TRAPPC9: variants seen among roughly 807,000 people sequenced by gnomAD.
The protein encoded by TRAPPC9 is trafficking protein particle complex subunit 9.
A neutral mutation model predicts 124.0 loss-of-function variants in TRAPPC9; 83 were observed. The ratio of observed to expected loss-of-function variants is 0.67; its 90% CI spans 0.56 to 0.80. TRAPPC9 has a LOEUF of 0.80. Ranked by LOEUF, TRAPPC9 falls within the 30% of genes least tolerant of loss-of-function variation. TRAPPC9 has a pLI of 0.00. For missense variants in TRAPPC9, 1,302 were observed against 1,508.3 expected (o/e 0.86, Z 2.27); for synonymous variants, 638 against 617.5 (o/e 1.03, Z -0.49).
chr8:140,126,685 C>A (rs2061104127), intron 17 of TRAPPC9, among the ~76,000 whole-genome samples: 1 of 152,130 alleles, frequency 6.6e-6, no homozygotes, highest in African/African-American at 2.4e-5. Context: ...GTGTATTTAG[C>A]CAGAGCATAA....
chr8:139,742,925 G>C lies in TRAPPC9; in HGVS notation c.3056-10723C>G, dbSNP rs1818657190. ...GCCTGACTGCACCCTAGAGAGGCGG[G>C]TTTCCTCTGTCTAGGGTGGTGCTGA... On this transcript the variant is annotated intron_variant, in intron 21 of 22. Coordinates refer to ENST00000438773, the MANE Select transcript of TRAPPC9 (RefSeq NM_001160372.4). The surrounding 1 kb of genome is among the most constrained non-coding windows in gnomAD (Gnocchi z 4.7). 6.6e-6 allele frequency among the ~76,000 whole-genome samples: 1 copy of C among 152,144 alleles called. No individual in the cohort carries two copies. Among genetic ancestry groups the C allele is most frequent in the Non-Finnish European group, 1.5e-5 (1 of 68,040 alleles).
rs1364862136 is a variant in TRAPPC9 at position 140,104,904 on chromosome 8, A to G, written c.2557-80825T>C. Among the ~76,000 whole-genome samples the G allele has an allele frequency of 6.6e-6, 1 of 152,204 alleles. No individual in the cohort carries two copies. The highest frequency in any genetic ancestry group is 1.5e-5 in the Non-Finnish European group (1 of 68,024). ...ACATTTAACGACATGGAGCTCCCTG[A>G]GTTGACTCTGCCTCCGCTTGCCCCC... On this transcript the variant is annotated intron_variant, in intron 17 of 22. Transcript: ENST00000438773. The surrounding 1 kb of genome is among the most constrained non-coding windows in gnomAD (Gnocchi z 4.0).
intron 6 of TRAPPC9, among the ~76,000 whole-genome samples, chr8:140,402,353 A>C (rs908797806): frequency 2.0e-5 from 3 of 151,876 alleles, no homozygotes; most frequent in Non-Finnish European, 2.9e-5. Context: ...AGCTGTGATC[A>C]TGCTACTGCA....
At chr8:140,335,386 TC>T (rs1365062532) in intron 9 of TRAPPC9, among the ~76,000 whole-genome samples, 6 of 152,222 alleles carry the variant, frequency 3.9e-5, no homozygotes, top group Admixed American at 2.0e-4. Flanking sequence ...GAATGGGCAT[TC>T]CAGGCAATTA....
At chr8:139,886,015 C>T in intron 20 of TRAPPC9, 46 bp from the exon 21 acceptor site, 1 of 1,523,514 alleles carries the variant, frequency 6.6e-7, no homozygotes, top group Non-Finnish European at 8.9e-7. Context: ...AGCCCAGGGA[C>T]AGAAGAACGT....
intron 18 of TRAPPC9, among the ~76,000 whole-genome samples, chr8:139,994,303 C>T (rs192855642): frequency 5.2e-4 from 79 of 152,352 alleles, no homozygotes; most frequent in African/African-American, 1.4e-3. Context: ...TTCTGTGGAG[C>T]CGAGAGGATT....
At chr8:139,917,477 G>A (rs1243955337) in intron 19 of TRAPPC9, among the ~76,000 whole-genome samples, 10 of 152,084 alleles carry the variant, frequency 6.6e-5, no homozygotes, top group South Asian at 2.1e-4. Flanking sequence ...ACCGCACCCG[G>A]CCATTATTAT....
At chr8:140,036,620 C>G (rs1840906016) in intron 17 of TRAPPC9, among the ~76,000 whole-genome samples, 1 of 152,130 alleles carries the variant, frequency 6.6e-6, no homozygotes, top group Non-Finnish European at 1.5e-5. Context: ...CGAAGGACAT[C>G]CAAGTGATGA....
intron 17 of TRAPPC9, among the ~76,000 whole-genome samples, chr8:140,073,756 T>G (rs1324663534): frequency 2.6e-5 from 4 of 152,196 alleles, no homozygotes; most frequent in African/African-American, 9.7e-5. Context: ...GTGACCTGGG[T>G]AGGGATGATA....
intron 7 of TRAPPC9, among the ~76,000 whole-genome samples, chr8:140,374,879 T>C (rs185379566): frequency 2.6e-5 from 4 of 152,350 alleles, no homozygotes; most frequent in Admixed American, 2.6e-4. Context: ...TAAATAATAC[T>C]ATGATCAGTA....
chr8:139,910,093 T>C, intron 20 of TRAPPC9, 54 bp downstream of exon 20: 1 of 1,609,358 alleles, frequency 6.2e-7, no homozygotes. Flanking sequence ...TCTTAGAGGT[T>C]GGAACCCTGG....
chr8:140,440,766 G>A (rs2070985579), intron 2 of TRAPPC9, among the ~76,000 whole-genome samples: 1 of 152,012 alleles, frequency 6.6e-6, no homozygotes, highest in African/African-American at 2.4e-5. Flanking sequence ...CACGGCTCTG[G>A]CTTCCCCTCC....
At chr8:140,380,536 T>A (rs2068572346) in intron 7 of TRAPPC9, among the ~76,000 whole-genome samples, 1 of 149,908 alleles carries the variant, frequency 6.7e-6, no homozygotes, top group South Asian at 2.1e-4. Flanking sequence ...GTGCCTGTAA[T>A]CCCAACTACT....
intron 21 of TRAPPC9, among the ~76,000 whole-genome samples, chr8:139,848,246 C>T (rs959219000): frequency 3.3e-5 from 5 of 152,224 alleles, no homozygotes; most frequent in African/African-American, 4.8e-5. Context: ...ACGCGAGGGG[C>T]ACTTTGCTCA....
chr8:140,249,504 C>T (rs1368467713), intron 16 of TRAPPC9, among the ~76,000 whole-genome samples: 1 of 150,464 alleles, frequency 6.6e-6, no homozygotes, highest in African/African-American at 2.4e-5. Context: ...AATAATTTGA[C>T]ATTTTTACTT....
chr8:140,414,258 G>A (rs991398643), intron 5 of TRAPPC9, among the ~76,000 whole-genome samples: 5 of 152,132 alleles, frequency 3.3e-5, no homozygotes, highest in African/African-American at 1.2e-4. Context: ...AGAAGGCCAG[G>A]AGCAGTGACT....
In TRAPPC9 at chr8:139,984,331, ATGAAGC is replaced by A; in HGVS notation, c.2810+4389_2810+4394del. ...CCACCTTCCGCTCCTGCTGGTAGCG[ATGAAGC>A]TGGAGTCTCAGCCCCACTACTGCCC... On this transcript the variant is annotated intron_variant, in intron 19 of 22. Coordinates refer to ENST00000438773, the MANE Select transcript of TRAPPC9 (RefSeq NM_001160372.4). The surrounding 1 kb of genome is among the most constrained non-coding windows in gnomAD (Gnocchi z 4.3). Among the ~76,000 whole-genome samples, 1 of 152,250 alleles carries A rather than the reference ATGAAGC, an allele frequency of 6.6e-6. No homozygotes were observed. Among genetic ancestry groups the A allele is most frequent in the African/African-American group, 2.4e-5 (1 of 41,540 alleles).
At chr8:140,214,607 G>A (rs1230873386) in intron 17 of TRAPPC9, among the ~76,000 whole-genome samples, 2 of 152,178 alleles carry the variant, frequency 1.3e-5, no homozygotes, top group Non-Finnish European at 2.9e-5. Flanking sequence ...TCCTATGAAG[G>A]AAGCATTGTC....
chr8:140,154,300 T>C (rs1433909927), intron 17 of TRAPPC9, among the ~76,000 whole-genome samples: 1 of 152,078 alleles, frequency 6.6e-6, no homozygotes, highest in Admixed American at 6.5e-5. Context: ...TCCACCCATT[T>C]CTCTCTGGCT....
Sources: gnomAD v4.1 joint callset for allele counts (sites outside exome capture counted in the v4.1 genomes callset) on GRCh38, gnomAD v4.1.1 for gene constraint, Gnocchi (gnomAD v3.1) non-coding constraint, MANE v1.5 for transcripts, NCBI Gene and HGNC (gene_info 2026-07-23, HGNC 2026-07-21) for gene names.